Variants in HSF1 observed in about 807,000 individuals in gnomAD.
HSF1 encodes the protein heat shock factor protein 1.
In HSF1, 32 loss-of-function variants were observed where a neutral mutation model predicts 51.7. That is an observed-to-expected ratio of 0.62 (90% CI 0.47 to 0.83). HSF1 has a LOEUF of 0.83. HSF1 is among the 40% of genes least tolerant of loss of function. The pLI, the probability that HSF1 is intolerant of heterozygous loss-of-function variation, is 0.00. For synonymous variants in HSF1, 396 were observed against 309.7 expected (o/e 1.28, Z -2.92); for missense variants, 727 against 717.0 (o/e 1.01, Z -0.16).
In HSF1 at chr8:144,311,707, C is replaced by T. The variant is rs782452681; in HGVS notation, c.731C>T (p.Ser244Phe). The change falls in exon 8 of 13, where the codon TCC (serine) becomes TTC (phenylalanine). Residue 244 changes from serine (S) to phenylalanine (F), a missense_variant. By Grantham distance (155) the Ser-to-Phe change is radical (BLOSUM62 -2). Transcript: ENST00000528838. ...TCCTGCCTTTGATTGCAGGCCCCCT[C>T]CCCAGCCTACAGCAGCTCCAGCCTC... Reference protein sequence around the residue: ...VHGSGPYSAPSPAYSSSSLYA... With the variant: ...VHGSGPYSAPFPAYSSSSLYA... The T allele has an allele frequency of 1.2e-6, 2 of 1,609,702 alleles. No homozygotes were observed. The highest frequency in any genetic ancestry group is 1.7e-5 in the Admixed American group (1 of 59,728).
At chr8:144,308,837 G>A in intron 1 of HSF1, 69 bp from the exon 2 acceptor site, 1 of 1,263,944 alleles carries the variant, frequency 7.9e-7, no homozygotes, top group Non-Finnish European at 1.2e-6. Context: ...GGGCGGCCTG[G>A]GGAAGGGGCG....
At position 144,313,883 on chromosome 8, in the gene HSF1, T is replaced by C; in HGVS notation, c.1286T>C (p.Leu429Pro). The C allele has an allele frequency of 6.2e-7, 1 of 1,604,886 alleles. No individual in the cohort carries two copies. Among genetic ancestry groups the C allele is most frequent in the Admixed American group, 1.7e-5 (1 of 58,838 alleles). ...TCGGTGACCGTGCCCGACATGAGCCTGCCTGACCTTGACAGCAGCCTGGCC... is the reference window on the plus strand; with the variant it reads ...TCGGTGACCGTGCCCGACATGAGCCCGCCTGACCTTGACAGCAGCCTGGCC... Reference protein sequence around the residue: ...SPSVTVPDMSLPDLDSSLASI... With the variant: ...SPSVTVPDMSPPDLDSSLASI... The change falls in exon 11 of 13, where the codon CTG becomes CCG. Residue 429 changes from leucine (L) to proline (P), a missense_variant. By Grantham distance (98) the Leu-to-Pro change is moderately conservative. Around this residue, in one of 2 missense-constraint regions of HSF1, gnomAD observed 470 missense variants for 398.8 expected, o/e 1.18. Coordinates refer to ENST00000528838, the MANE Select transcript of HSF1 (RefSeq NM_005526.4).
chr8:144,311,141 TG>T (rs1816618136), intron 4 of HSF1, 32 bp from the exon 5 acceptor site: 6 of 1,566,934 alleles, frequency 3.8e-6, no homozygotes, highest in Non-Finnish European at 5.2e-6. Flanking sequence ...CTCATGGGAT[TG>T]GGCCCCACTG....
chr8:144,309,307 A>C, intron 2 of HSF1, 148 bp from the exon 3 acceptor site: 1 of 1,119,108 alleles, frequency 8.9e-7, no homozygotes, highest in East Asian at 2.4e-5. Context: ...GACCAAGGCC[A>C]CTCGGCCACC....
In HSF1 at chr8:144,309,521, A is replaced by G; in HGVS notation, c.293A>G (p.Glu98Gly). Residue 98 changes from glutamate to glycine, a missense_variant, in exon 3 of 13, where the codon GAG becomes GGG. This residue lies in a region of HSF1 where 257 missense variants were observed against 318.3 expected (regional missense o/e 0.81). Transcript: ENST00000528838. Reference protein sequence around the residue: ...GLVKPERDDTEFQHPCFLRGQ... With the variant: ...GLVKPERDDTGFQHPCFLRGQ... ...GTCAAGCCAGAGAGAGACGACACGG[A>G]GTTCCAGCACCCATGCTTCCTGCGT... 1.2e-6 allele frequency: 2 copies of G among 1,614,086 alleles called. No homozygotes were observed. Among genetic ancestry groups the G allele is most frequent in the South Asian group, 2.2e-5 (2 of 91,086 alleles).
Position 144,306,917 on chromosome 8 carries a change from C to CTGTG in HSF1, c.118-1971_118-1968dup, listed in dbSNP as rs530083499. Among the ~76,000 whole-genome samples, 80 of 150,126 alleles carry CTGTG rather than the reference C, an allele frequency of 5.3e-4. 1 individual carries two copies. The South Asian group carries it at 6.5e-3, about 12-fold the overall frequency. Reference sequence around the variant, plus strand: ...GTGAGTCTCCCGTCTTTTCCGGGGGCTGTGTGTGTGTGTGTGTGTGTTGGG... The same window carrying CTGTG: ...GTGAGTCTCCCGTCTTTTCCGGGGGCTGTGTGTGTGTGTGTGTGTGTGTGTTGGG... On this transcript the variant is annotated intron_variant, in intron 1 of 12. Coordinates refer to ENST00000528838, the MANE Select transcript of HSF1 (RefSeq NM_005526.4).
At chr8:144,310,017 C>T (rs1816508579) in intron 4 of HSF1, 121 bp downstream of exon 4, 3 of 1,204,036 alleles carry the variant, frequency 2.5e-6, no homozygotes, top group African/African-American at 3.1e-5. Flanking sequence ...TCCCGCTCCA[C>T]GCACATCTAC....
intron 7 of HSF1, 25 bp from the exon 8 acceptor site, chr8:144,311,675 A>ATGGACC (rs1816672777): frequency 6.2e-7 from 1 of 1,610,272 alleles, no homozygotes; most frequent in African/African-American, 1.3e-5. Flanking sequence ...CCGGCACTGC[A>ATGGACC]TGGACCTCCT....
chr8:144,299,720 T>C lies in HSF1; in HGVS notation c.117+7846T>C, dbSNP rs191596321. Among the ~76,000 whole-genome samples, 387 of 151,958 alleles carry C rather than the reference T, an allele frequency of 2.5e-3. 2 individuals are homozygous for C. Among genetic ancestry groups the C allele is most frequent in the African/African-American group, 9.0e-3 (372 of 41,450 alleles). On this transcript the variant is annotated intron_variant, in intron 1 of 12. Transcript: ENST00000528838. The stretch of plus-strand genomic sequence containing the variant: ...GTCAGGAGATCAAGACCATCCTGGC[T>C]AACATGGTGAAACCCCGTCTCTACT...
intron 1 of HSF1, among the ~76,000 whole-genome samples, chr8:144,301,948 T>C (rs1375671566): frequency 2.7e-5 from 4 of 149,940 alleles, no homozygotes; most frequent in Admixed American, 6.7e-5. Context: ...GGTGGAAGGA[T>C]TGCTCCCAGA....
rs1816482531 is a variant in HSF1, at chr8:144,309,820, A to G, written c.412A>G (p.Thr138Ala). Reference protein sequence around the residue: ...EDIKIRQDSVTKLLTDVQLMK... With the variant: ...EDIKIRQDSVAKLLTDVQLMK... ...CATAAAGATCCGCCAGGACAGCGTCACCAAGCTGCTGACGGACGTGCAGCT... is the reference window on the plus strand; with the variant it reads ...CATAAAGATCCGCCAGGACAGCGTCGCCAAGCTGCTGACGGACGTGCAGCT... Residue 138 changes from threonine to alanine, a missense_variant, in exon 4 of 13, where the codon ACC becomes GCC. Physicochemically the swap from Thr to Ala is moderately conservative, Grantham distance 58. Transcript: ENST00000528838. The G allele has an allele frequency of 6.2e-7, 1 of 1,613,810 alleles. No homozygotes were observed. The highest frequency in any genetic ancestry group is 8.5e-7 in the Non-Finnish European group (1 of 1,180,004).
chr8:144,309,229 T>G, intron 2 of HSF1: 1 of 670,908 alleles, frequency 1.5e-6, no homozygotes, highest in Non-Finnish European at 2.5e-6. Flanking sequence ...GGAAGAACCG[T>G]GAAGCCGGAG....
Position 144,312,235 on chromosome 8 carries a change from G to T in HSF1, c.1133G>T (p.Cys378Phe). ...CCTGAAAAGTGCCTCAGCGTAGCCT[G>T]CCTGGACAAGTGAGTGCCGCCCACC... ...STPEKCLSVA[C>F]LDKNELSDHL... Residue 378 changes from cysteine to phenylalanine, a missense_variant, in exon 9 of 13, where the codon TGC becomes TTC. Physicochemically the swap from Cys to Phe is radical, Grantham distance 205 (BLOSUM62 -2). Coordinates refer to ENST00000528838, the MANE Select transcript of HSF1 (RefSeq NM_005526.4). The T allele has an allele frequency of 6.5e-7, 1 of 1,539,580 alleles. No individual in the cohort carries two copies. The highest frequency in any genetic ancestry group is 8.7e-7 in the Non-Finnish European group (1 of 1,146,600).
chr8:144,296,532 C>T (rs1588626009), intron 1 of HSF1, among the ~76,000 whole-genome samples: 1 of 152,152 alleles, frequency 6.6e-6, no homozygotes, highest in Admixed American at 6.5e-5. Flanking sequence ...GTCGTGGTGG[C>T]TCACGCCTGT....
intron 2 of HSF1, 175 bp from the exon 3 acceptor site, chr8:144,309,280 A>T: frequency 1.2e-6 from 1 of 805,918 alleles, no homozygotes; most frequent in South Asian, 1.8e-5. Context: ...CCCTGTGGGG[A>T]CACAGGGTCT....
chr8:144,294,214 GC>G (rs782154235), intron 1 of HSF1, among the ~76,000 whole-genome samples: 2 of 152,154 alleles, frequency 1.3e-5, no homozygotes, highest in Non-Finnish European at 2.9e-5. Context: ...CGCGCAGGGG[GC>G]TGCAGAGCTT....
chr8:144,311,285 C>G lies in HSF1; in HGVS notation c.564+36C>G, dbSNP rs1247730341. On this transcript the variant is annotated intron_variant, in intron 5 of 12. Transcript: ENST00000528838. ...GGCCAGAGGGCCGGCGGGGGCCCCA[C>G]AAGGGCCGGGGTAACTGTGTCCTCT... is the stretch of plus-strand genomic sequence containing the variant. 4 of 1,612,582 alleles carry G rather than the reference C, an allele frequency of 2.5e-6. No homozygotes were observed. In the East Asian group the frequency reaches 8.9e-5, roughly 36 times the overall value.
chr8:144,309,284 A>C (rs1394188762), intron 2 of HSF1, 171 bp from the exon 3 acceptor site: 10 of 830,818 alleles, frequency 1.2e-5, no homozygotes, highest in African/African-American at 6.9e-5. Flanking sequence ...GTGGGGACAC[A>C]GGGTCTCCCT....
rs782062255 is a variant in HSF1 at position 144,309,007 on chromosome 8, C to G, written c.219C>G (p.Leu73=). The change falls in exon 2 of 13, where the codon CTC becomes CTG. Residue 73 remains leucine, a synonymous_variant. Transcript: ENST00000528838. The part of the protein sequence containing the change: ...HNNMASFVRQ[L]NMYGFRKVVH... Reference sequence around the variant, plus strand: ...ACATGGCCAGCTTCGTGCGGCAGCTCAACATGTGTGAGTGCTGCCTCCAGG... The same window carrying G: ...ACATGGCCAGCTTCGTGCGGCAGCTGAACATGTGTGAGTGCTGCCTCCAGG... The G allele has an allele frequency of 6.2e-7, 1 of 1,612,630 alleles. No homozygotes were observed. Among genetic ancestry groups the G allele is most frequent in the African/African-American group, 1.3e-5 (1 of 74,908 alleles).
Sources: allele counts gnomAD v4.1 joint callset (sites outside exome capture counted in the v4.1 genomes callset), GRCh38; gene constraint gnomAD v4.1.1; regional missense constraint gnomAD v4.1.1; transcripts MANE v1.5; gene names NCBI Gene and HGNC (gene_info 2026-07-23, HGNC 2026-07-21).